The following DPYD variants were observed in gnomAD, a reference collection of about 807,000 sequenced individuals.
DPYD encodes dihydropyrimidine dehydrogenase, also known as dihydropyrimidine dehydrogenase [NADP(+)].
Under a neutral mutation model 116.2 loss-of-function variants are expected in DPYD, and 109 were observed. The ratio of observed to expected loss-of-function variants is 0.94; its 90% confidence interval spans 0.80 to 1.10. The LOEUF is 1.10. DPYD is among the 50% of genes least tolerant of loss of function. The probability of loss-of-function intolerance (pLI) is 0.00; values close to 1 mark genes in which losing one functional copy is unlikely to be tolerated. For missense variants in DPYD, 1,302 were observed against 1,254.5 expected, an observed-to-expected ratio of 1.04 and a Z score of -0.57; for synonymous variants, 440 against 432.0, an observed-to-expected ratio of 1.02 and a Z score of -0.23.
At chr1:97,398,652 A>G (rs1205516829) in intron 14 of DPYD, among the ~76,000 whole-genome samples, 1 of 152,118 alleles carries the variant, frequency 6.6e-6, no homozygotes, top group African/African-American at 2.4e-5. Context: ...CTGGTGTGAG[A>G]TGGTATCTCA....
chr1:97,220,951 ATC>A (rs1330280412), intron 19 of DPYD, among the ~76,000 whole-genome samples: 1 of 152,142 alleles, frequency 6.6e-6, no homozygotes, highest in African/African-American at 2.4e-5. Flanking sequence ...CAAAAATGTG[ATC>A]AAATGGATTT....
At chr1:97,564,140 A>T (rs1358420878) in intron 11 of DPYD, among the ~76,000 whole-genome samples, 1 of 152,170 alleles carries the variant, frequency 6.6e-6, no homozygotes, top group African/African-American at 2.4e-5. Context: ...GGTACACAGG[A>T]TCTATCAATG....
At chr1:97,268,473 C>G (rs1664371188) in intron 18 of DPYD, among the ~76,000 whole-genome samples, 1 of 152,048 alleles carries the variant, frequency 6.6e-6, no homozygotes, top group Admixed American at 6.6e-5. Context: ...TCTTAGGGAC[C>G]CAGGCTAACC....
At chr1:97,429,614 T>C (rs1203760199) in intron 14 of DPYD, among the ~76,000 whole-genome samples, 2 of 152,118 alleles carry the variant, frequency 1.3e-5, no homozygotes, top group African/African-American at 4.8e-5. Flanking sequence ...ATGATTAGTT[T>C]CCACATTTGT....
intron 13 of DPYD, among the ~76,000 whole-genome samples, chr1:97,461,363 A>T (rs1259898726): frequency 6.6e-6 from 1 of 152,134 alleles, no homozygotes; most frequent in Non-Finnish European, 1.5e-5. Context: ...TATTCTAGAG[A>T]TTCCAATCAT....
At chr1:97,225,563 T>G (rs885621) in intron 19 of DPYD, among the ~76,000 whole-genome samples, 12,305 of 148,672 alleles carry the variant, frequency 0.083, 838 homozygotes, top group East Asian at 0.28. Context: ...TCAGGTTGTT[T>G]TTTTTTTTTT....
intron 8 of DPYD, among the ~76,000 whole-genome samples, chr1:97,668,840 AT>A (rs1038625830): frequency 1.7e-4 from 26 of 152,004 alleles, no homozygotes; most frequent in East Asian, 5.8e-4. Flanking sequence ...ACTACCAAGT[AT>A]TTTTTTTAAA....
chr1:97,637,963 T>C (rs763044520), intron 8 of DPYD, among the ~76,000 whole-genome samples: 7 of 152,092 alleles, frequency 4.6e-5, no homozygotes, highest in Non-Finnish European at 7.4e-5. Context: ...GTGCCCAGCA[T>C]CATTTCTCTG....
intron 4 of DPYD, among the ~76,000 whole-genome samples, chr1:97,737,474 G>T (rs988314197): frequency 2.6e-5 from 4 of 152,012 alleles, no homozygotes; most frequent in Admixed American, 2.0e-4. Flanking sequence ...TTACATAATA[G>T]ATTATGTATT....
chr1:97,097,785 A>T (rs1650372591), intron 21 of DPYD, among the ~76,000 whole-genome samples: 1 of 152,138 alleles, frequency 6.6e-6, no homozygotes, highest in Non-Finnish European at 1.5e-5. Context: ...CTTGAATAGG[A>T]TTGGTAGATT....
In DPYD at chr1:97,827,048, T is replaced by G. The variant is rs562977033; in HGVS notation, c.233+1066A>C. Reference sequence around the variant, plus strand: ...GAAGTGGCTTCAAAATGAGGGCAGCTTCTATTAAATTTAATTACTTTCTCC... The same window carrying G: ...GAAGTGGCTTCAAAATGAGGGCAGCGTCTATTAAATTTAATTACTTTCTCC... On this transcript the variant is annotated intron_variant, in intron 3 of 22. Coordinates refer to ENST00000370192, the MANE Select transcript of DPYD (RefSeq NM_000110.4). Among the ~76,000 whole-genome samples, 2 of 152,240 alleles carry G rather than the reference T, an allele frequency of 1.3e-5. 1 individual carries two copies. Among genetic ancestry groups the G allele is most frequent in the South Asian group, 4.1e-4 (2 of 4,828 alleles).
intron 20 of DPYD, among the ~76,000 whole-genome samples, chr1:97,180,374 A>T (rs1038441443): frequency 3.9e-5 from 6 of 152,120 alleles, no homozygotes; most frequent in Non-Finnish European, 8.8e-5. Context: ...TGTTTTTCTC[A>T]GGAAGAGTAT....
chr1:97,909,093 C>A (rs1478400928), intron 1 of DPYD, among the ~76,000 whole-genome samples: 1 of 152,096 alleles, frequency 6.6e-6, no homozygotes, highest in Admixed American at 6.6e-5. Context: ...TTATTATTTT[C>A]ATTATCCTAC....
intron 19 of DPYD, among the ~76,000 whole-genome samples, 195 bp from the exon 20 acceptor site, chr1:97,193,443 C>A (rs1658529183): frequency 6.6e-6 from 1 of 152,066 alleles, no homozygotes; most frequent in Non-Finnish European, 1.5e-5. Context: ...TTTCCAGGGA[C>A]AATGAACATT....
At chr1:97,091,693 G>A (rs1460046962) in intron 21 of DPYD, among the ~76,000 whole-genome samples, 1 of 152,132 alleles carries the variant, frequency 6.6e-6, no homozygotes. Flanking sequence ...GCTGTGCTGT[G>A]TATAATACTT....
intron 16 of DPYD, among the ~76,000 whole-genome samples, chr1:97,327,156 T>C (rs1668752553): frequency 6.6e-6 from 1 of 151,994 alleles, no homozygotes; most frequent in Non-Finnish European, 1.5e-5. Flanking sequence ...CTAACATATA[T>C]ACCACAGTTA....
At chr1:97,745,352 A>C (rs1664492444) in intron 3 of DPYD, among the ~76,000 whole-genome samples, 1 of 152,114 alleles carries the variant, frequency 6.6e-6, no homozygotes, top group Admixed American at 6.6e-5. Context: ...GTTAATGCCA[A>C]ACATAATTTT....
At chr1:97,440,137 T>G (rs768092542) in intron 14 of DPYD, among the ~76,000 whole-genome samples, 2 of 151,868 alleles carry the variant, frequency 1.3e-5, no homozygotes, top group Admixed American at 6.6e-5. Flanking sequence ...TAGCCAGGCA[T>G]GGTGACGCAT....
chr1:97,355,000 T>C (rs1218885785), intron 16 of DPYD, among the ~76,000 whole-genome samples: 2 of 152,192 alleles, frequency 1.3e-5, no homozygotes, highest in Admixed American at 6.5e-5. Context: ...TGTGTAGAAA[T>C]AGGCACTTTG....
Sources: gnomAD v4.1 joint callset for allele counts (sites outside exome capture counted in the v4.1 genomes callset) on GRCh38, gnomAD v4.1.1 for gene constraint, MANE v1.5 for transcripts, NCBI Gene and HGNC (gene_info 2026-07-23, HGNC 2026-07-21) for gene names.